SDK2: variants seen among roughly 807,000 people sequenced by gnomAD.
SDK2 encodes the protein sidekick cell adhesion molecule 2, also known as protein sidekick-2.
Under a neutral mutation model 253.9 loss-of-function variants are expected in SDK2, and 105 were observed. The observed-to-expected ratio is 0.41, with a 90% CI of 0.35 to 0.49. The LOEUF (loss-of-function observed/expected upper bound fraction) is 0.49, where lower values mean the gene tolerates loss of function less well. Among genes scored for constraint, SDK2 ranks in the 20% least tolerant of loss-of-function variants. The pLI, the probability that SDK2 is intolerant of heterozygous loss-of-function variation, is 0.06. For missense variants in SDK2, 2,608 were observed against 3,003.0 expected (o/e 0.87, Z 3.07); for synonymous variants, 1,249 against 1,234.9 (o/e 1.01, Z -0.24).
At chr17:73,363,632 C>G (rs1485313026) in intron 38 of SDK2, among the ~76,000 whole-genome samples, 2 of 152,110 alleles carry the variant, frequency 1.3e-5, no homozygotes, top group African/African-American at 4.8e-5. Flanking sequence ...CCTTGTCTTG[C>G]TGTACTTATT....
At chr17:73,548,512 T>C (rs2045003566) in intron 1 of SDK2, among the ~76,000 whole-genome samples, 1 of 152,256 alleles carries the variant, frequency 6.6e-6, no homozygotes. Flanking sequence ...CAGATAATCC[T>C]GATCCCATTT....
At chr17:73,424,241 G>T (rs2063260909) in intron 12 of SDK2, 149 bp from the exon 13 acceptor site, 4 of 659,848 alleles carry the variant, frequency 6.1e-6, no homozygotes, top group Non-Finnish European at 1.0e-5. Flanking sequence ...GGATCGGGGA[G>T]CGGGACACTG....
intron 1 of SDK2, among the ~76,000 whole-genome samples, chr17:73,509,184 A>C (rs2063958804): frequency 6.6e-6 from 1 of 152,196 alleles, no homozygotes; most frequent in South Asian, 2.1e-4. Flanking sequence ...CGTGCGGTGG[A>C]CAAGCGTTCC....
At chr17:73,627,731 G>A (rs1009065785) in intron 1 of SDK2, among the ~76,000 whole-genome samples, 3 of 152,210 alleles carry the variant, frequency 2.0e-5, no homozygotes, top group African/African-American at 7.2e-5. Context: ...CAACCCTCGA[G>A]TGTGAGGATG....
chr17:73,603,102 G>C (rs1225568522), intron 1 of SDK2, among the ~76,000 whole-genome samples: 1 of 152,154 alleles, frequency 6.6e-6, no homozygotes, highest in African/African-American at 2.4e-5. Flanking sequence ...ACCCTCCCAG[G>C]TTGTGACAAC....
rs373774628 is a variant in SDK2, at chr17:73,408,046, C to CTTTTTTTTTT, written c.2485-5906_2485-5905insAAAAAAAAAA. ...ACACCATCTAGGAAGTAAAATATTT[C>CTTTTTTTTTT]CTTTTTTTTTTTTTTTTTCTTTTGA... On this transcript the variant is annotated intron_variant, in intron 18 of 44. Coordinates refer to ENST00000392650, the MANE Select transcript of SDK2 (RefSeq NM_001144952.2). Among the ~76,000 whole-genome samples, 16 of 50,956 alleles carry CTTTTTTTTTT rather than the reference C, an allele frequency of 3.1e-4. 2 individuals carry two copies. The highest frequency in any genetic ancestry group is 5.2e-4 in the South Asian group (1 of 1,940). 33.4% of individuals were successfully genotyped at this position (50,956 alleles called of 152,430 possible).
rs1599575559 is a variant in SDK2 at position 73,447,886 on chromosome 17, C to G, written c.480-138G>C. ...CTCCCAGGGCCCCTCCTGCCACCCC[C>G]TCCCCAACCTCTTACTGCCTACATC... On this transcript the variant is annotated intron_variant, in intron 4 of 44. Coordinates refer to ENST00000392650, the MANE Select transcript of SDK2 (RefSeq NM_001144952.2). The surrounding 1 kb of genome is among the most constrained non-coding windows in gnomAD (Gnocchi z 4.0). 1.2e-5 allele frequency: 11 copies of G among 915,484 alleles called. No individual in the cohort carries two copies. The highest frequency in any genetic ancestry group is 1.7e-5 in the Non-Finnish European group (10 of 602,810). The allele number at this position is 915,484 out of a possible 1,614,324, so 56.7% of individuals were successfully genotyped here.
At chr17:73,545,877 C>T (rs1415078531) in intron 1 of SDK2, among the ~76,000 whole-genome samples, 1 of 152,108 alleles carries the variant, frequency 6.6e-6, no homozygotes, top group Middle Eastern at 3.2e-3. Flanking sequence ...GGGGTCAGTT[C>T]CTCCTCTGCC....
intron 15 of SDK2, among the ~76,000 whole-genome samples, chr17:73,421,573 CTT>C (rs36068491): frequency 0.021 from 1,905 of 90,646 alleles, 30 homozygotes; most frequent in African/African-American, 0.08. Flanking sequence ...CAATTTCCAT[CTT>C]TTTTTTTTTT....
chr17:73,502,584 T>C (rs2063898911), intron 2 of SDK2, among the ~76,000 whole-genome samples: 1 of 152,210 alleles, frequency 6.6e-6, no homozygotes, highest in African/African-American at 2.4e-5. Flanking sequence ...TTAAAGCACA[T>C]TGAATAAAAA....
chr17:73,352,458 C>A lies in SDK2; in HGVS notation c.5758+15G>T. The A allele has an allele frequency of 6.2e-7, 1 of 1,605,412 alleles. No homozygotes were observed. Among genetic ancestry groups the A allele is most frequent in the African/African-American group, 1.3e-5 (1 of 74,964 alleles). On this transcript the variant is annotated intron_variant, in intron 41 of 44. Coordinates refer to ENST00000392650, the MANE Select transcript of SDK2 (RefSeq NM_001144952.2). The surrounding 1 kb of genome is among the most constrained non-coding windows in gnomAD (Gnocchi z 4.1). ...CTGTGGGGCTCCCCCACTCCCTCAGCCCCCAGGCCGGTACCTGGCACAGAC... is the reference window on the plus strand; with the variant it reads ...CTGTGGGGCTCCCCCACTCCCTCAGACCCCAGGCCGGTACCTGGCACAGAC...
intron 9 of SDK2, 110 bp from the exon 10 acceptor site, chr17:73,433,958 G>T: frequency 1.5e-6 from 1 of 687,454 alleles, no homozygotes. Context: ...TCCTCCCCCT[G>T]CCATGGTGAG....
chr17:73,351,606 G>T (rs1248850000), intron 41 of SDK2, among the ~76,000 whole-genome samples: 3 of 152,074 alleles, frequency 2.0e-5, no homozygotes, highest in Admixed American at 2.0e-4. Flanking sequence ...TTTAGTAAAA[G>T]GTGAAAGATT....
At chr17:73,630,113 A>C (rs1355496569) in intron 1 of SDK2, among the ~76,000 whole-genome samples, 2 of 152,110 alleles carry the variant, frequency 1.3e-5, no homozygotes, top group Non-Finnish European at 2.9e-5. Context: ...AGCTCAGCTC[A>C]GCCACCACCA....
intron 1 of SDK2, among the ~76,000 whole-genome samples, chr17:73,552,858 T>C (rs1310608166): frequency 6.6e-6 from 1 of 152,252 alleles, no homozygotes; most frequent in Non-Finnish European, 1.5e-5. Context: ...AGCCCTCTCC[T>C]TGGCAAGTTC....
chr17:73,599,462 G>A lies in SDK2; in HGVS notation c.64+44563C>T, dbSNP rs2143041151. ...AGGCAGGAGAATCACTTGAACCCAG[G>A]AGGCGGAGGCTGCAGTGAGCTGAGA... On this transcript the variant is annotated intron_variant, in intron 1 of 44. Coordinates refer to ENST00000392650, the MANE Select transcript of SDK2 (RefSeq NM_001144952.2). 3.9e-5 allele frequency among the ~76,000 whole-genome samples: 6 copies of A among 152,184 alleles called. 1 individual carries two copies. In the South Asian group the frequency reaches 1.2e-3, roughly 32 times the overall value.
At chr17:73,469,059 G>GTGATC (rs1438561250) in intron 3 of SDK2, among the ~76,000 whole-genome samples, 2 of 152,140 alleles carry the variant, frequency 1.3e-5, no homozygotes, top group Non-Finnish European at 2.9e-5. Flanking sequence ...TCCTGACCTT[G>GTGATC]TGATCTGCCC....
At chr17:73,368,056 A>C (rs2062700548) in intron 37 of SDK2, among the ~76,000 whole-genome samples, 1 of 152,178 alleles carries the variant, frequency 6.6e-6, no homozygotes, top group Admixed American at 6.5e-5. Flanking sequence ...GGAATGAACA[A>C]AGCCAGAGAG....
intron 1 of SDK2, among the ~76,000 whole-genome samples, chr17:73,631,632 TG>T (rs995615583): frequency 6.6e-6 from 1 of 152,144 alleles, no homozygotes; most frequent in Non-Finnish European, 1.5e-5. Flanking sequence ...GAAACCCTGG[TG>T]GGGGACTGGG....
Sources: allele counts gnomAD v4.1 joint callset (sites outside exome capture counted in the v4.1 genomes callset), GRCh38; gene constraint gnomAD v4.1.1; non-coding constraint Gnocchi (gnomAD v3.1); transcripts MANE v1.5; gene names NCBI Gene and HGNC (gene_info 2026-07-23, HGNC 2026-07-21).